CFAP299: variants seen among roughly 807,000 people sequenced by gnomAD.
CFAP299 encodes cilia- and flagella-associated protein 299.
In CFAP299, 21 loss-of-function variants were observed where a neutral mutation model predicts 27.0. The observed-to-expected ratio is 0.78, with a 90% confidence interval of 0.55 to 1.12. The LOEUF (loss-of-function observed/expected upper bound fraction) is 1.12. Ranked by LOEUF, CFAP299 falls within the 50% of genes most tolerant of loss-of-function variation. The probability of loss-of-function intolerance (pLI) is 0.00; values close to 1 mark genes in which losing one functional copy is unlikely to be tolerated. For missense variants in CFAP299, 310 were observed against 276.6 expected, an observed-to-expected ratio of 1.12 and a Z score of -0.86; for synonymous variants, 104 against 98.1, an observed-to-expected ratio of 1.06 and a Z score of -0.36.
intron 2 of CFAP299, chr4:80,387,010 G>A: frequency 8.2e-7 from 1 of 1,213,860 alleles, no homozygotes; most frequent in Non-Finnish European, 1.2e-6. Flanking sequence ...TGGGTTGGCA[G>A]ATGACGCTGC....
chr4:80,686,358 G>A (rs914088818), intron 3 of CFAP299, among the ~76,000 whole-genome samples: 2 of 152,220 alleles, frequency 1.3e-5, no homozygotes, highest in Admixed American at 6.5e-5. Flanking sequence ...GGCTCAGAGA[G>A]TGTCAGGCCA....
chr4:80,333,323 G>A (rs892720846), upstream of CFAP299, among the ~76,000 whole-genome samples: 1 of 152,162 alleles, frequency 6.6e-6, no homozygotes, highest in Admixed American at 6.5e-5. Context: ...TGATGATTAA[G>A]CAATAGCCCT....
intron 2 of CFAP299, among the ~76,000 whole-genome samples, chr4:80,377,644 A>G (rs1049573726): frequency 6.6e-6 from 1 of 152,164 alleles, no homozygotes; most frequent in Admixed American, 6.5e-5. Context: ...GATTCCTACA[A>G]ATAAGCCTGC....
rs943874720 is a variant in CFAP299, at chr4:80,420,454, C to T, written c.242+57570C>T. 7.3e-5 allele frequency: 20 copies of T among 274,942 alleles called. No individual in the cohort carries two copies. In the East Asian group the frequency reaches 1.2e-3, roughly 17 times the overall value. The allele number at this position is 274,942 out of a possible 1,614,324, so 17.0% of individuals were successfully genotyped here. On this transcript the variant is annotated intron_variant, in intron 2 of 5. Transcript: ENST00000358105. ...AACACTTTTGTCTTTTTGATAACAGCCATTCTAACAAATGTGAAGTGATAT... is the reference window on the plus strand; with the variant it reads ...AACACTTTTGTCTTTTTGATAACAGTCATTCTAACAAATGTGAAGTGATAT...
At chr4:80,828,046 A>G (rs936701294) in intron 3 of CFAP299, among the ~76,000 whole-genome samples, 1 of 152,092 alleles carries the variant, frequency 6.6e-6, no homozygotes, top group East Asian at 1.9e-4. Flanking sequence ...AAATTAAAGA[A>G]TATATAAACA....
intron 2 of CFAP299, among the ~76,000 whole-genome samples, chr4:80,424,972 T>C (rs774116532): frequency 1.3e-5 from 2 of 152,102 alleles, no homozygotes. Context: ...ATGGTGTCCA[T>C]TACTTCCAGG....
rs1419713021 is a variant in CFAP299 at position 80,387,879 on chromosome 4, G to A, written c.242+24995G>A. On this transcript the variant is annotated intron_variant, in intron 2 of 5. Coordinates refer to ENST00000358105, the MANE Select transcript of CFAP299 (RefSeq NM_152770.3). Reference sequence around the variant, plus strand: ...GTGGGGTCTTCAGCATTGGTGGAGAGTCAAAGATGGCCACGGTGCCCCCGG... The same window carrying A: ...GTGGGGTCTTCAGCATTGGTGGAGAATCAAAGATGGCCACGGTGCCCCCGG... 3.2e-5 allele frequency: 35 copies of A among 1,104,710 alleles called. No homozygotes were observed. In the Middle Eastern group the frequency reaches 1.4e-3, roughly 44 times the overall value. 68.4% of individuals were successfully genotyped at this position (1,104,710 alleles called of 1,614,324 possible).
At chr4:80,601,548 A>G (rs1455739330) in intron 3 of CFAP299, among the ~76,000 whole-genome samples, 1 of 152,210 alleles carries the variant, frequency 6.6e-6, no homozygotes, top group Non-Finnish European at 1.5e-5. Context: ...ATAAATCTAT[A>G]CTGGAATGAT....
chr4:80,840,717 G>T (rs987527744), intron 3 of CFAP299, among the ~76,000 whole-genome samples: 3 of 151,960 alleles, frequency 2.0e-5, no homozygotes. Context: ...AGGAAGGAGA[G>T]GATTAAGATG....
intron 3 of CFAP299, among the ~76,000 whole-genome samples, chr4:80,594,820 A>G (rs1317461226): frequency 1.3e-5 from 2 of 152,146 alleles, no homozygotes; most frequent in Non-Finnish European, 2.9e-5. Flanking sequence ...TTGGTTGTTC[A>G]TTAACATTTA....
intron 3 of CFAP299, among the ~76,000 whole-genome samples, chr4:80,615,940 T>C (rs557239989): frequency 2.6e-5 from 4 of 152,266 alleles, no homozygotes; most frequent in African/African-American, 7.2e-5. Flanking sequence ...CTCACCTCCG[T>C]TCATTCCTTC....
At chr4:80,951,894 CAA>C (rs1737798664) in intron 5 of CFAP299, among the ~76,000 whole-genome samples, 2 of 152,112 alleles carry the variant, frequency 1.3e-5, no homozygotes, top group Non-Finnish European at 2.9e-5. Context: ...GACCATATAC[CAA>C]AGAGTGCTGT....
At chr4:80,735,469 AC>A in intron 3 of CFAP299, among the ~76,000 whole-genome samples, 1 of 152,270 alleles carries the variant, frequency 6.6e-6, no homozygotes, top group African/African-American at 2.4e-5. Flanking sequence ...AACTTCCAGT[AC>A]TATGTTGAAT....
intron 3 of CFAP299, among the ~76,000 whole-genome samples, chr4:80,719,547 T>G (rs1248801922): frequency 1.3e-5 from 2 of 152,248 alleles, no homozygotes. Context: ...TCTGATATGT[T>G]GTGTTTTAAT....
chr4:80,936,915 T>C (rs1736917689), intron 4 of CFAP299, among the ~76,000 whole-genome samples: 1 of 152,208 alleles, frequency 6.6e-6, no homozygotes. Context: ...ATTCTGCTGC[T>C]GTTGGATGAA....
chr4:80,654,113 G>A (rs922438278), intron 3 of CFAP299, among the ~76,000 whole-genome samples: 3 of 152,054 alleles, frequency 2.0e-5, no homozygotes, highest in South Asian at 4.1e-4. Context: ...ATGACATTGC[G>A]GTACTGGGGA....
chr4:80,410,626 C>T (rs1726673317), intron 2 of CFAP299, among the ~76,000 whole-genome samples: 1 of 152,140 alleles, frequency 6.6e-6, no homozygotes, highest in African/African-American at 2.4e-5. Context: ...TGCATGTGGC[C>T]TTTTTCTCTA....
chr4:80,723,755 A>C (rs1274353891), intron 3 of CFAP299, among the ~76,000 whole-genome samples: 1 of 152,152 alleles, frequency 6.6e-6, no homozygotes, highest in African/African-American at 2.4e-5. Flanking sequence ...AATTATAAAA[A>C]TAAAATGAAT....
chr4:80,726,284 T>C (rs1723156798), intron 3 of CFAP299, among the ~76,000 whole-genome samples: 1 of 152,168 alleles, frequency 6.6e-6, no homozygotes, highest in South Asian at 2.1e-4. Flanking sequence ...ATGATAACAT[T>C]ACAATTCATA....
Sources: allele counts gnomAD v4.1 joint callset (sites outside exome capture counted in the v4.1 genomes callset), GRCh38; gene constraint gnomAD v4.1.1; transcripts MANE v1.5; gene names NCBI Gene and HGNC (gene_info 2026-07-23, HGNC 2026-07-21).